Variants in TNFSF8 observed in about 807,000 individuals in gnomAD.
TNFSF8 encodes the protein tumor necrosis factor ligand superfamily member 8.
A neutral mutation model predicts 22.0 loss-of-function variants in TNFSF8; 4 were observed. The ratio of observed to expected loss-of-function variants is 0.18; its 90% CI spans 0.09 to 0.42. The LOEUF (loss-of-function observed/expected upper bound fraction) is 0.42, where lower values mean the gene tolerates loss of function less well. TNFSF8 is among the 10% of genes least tolerant of loss of function. TNFSF8 has a pLI of 1.00. For synonymous variants in TNFSF8, 106 were observed against 112.5 expected (o/e 0.94, Z 0.37); for missense variants, 233 against 281.8 (o/e 0.83, Z 1.24).
rs1307435813 is a variant in TNFSF8, at chr9:114,904,343, G to A, written c.311-18C>T. Reference sequence around the variant, plus strand: ...CTTTGCCACTAGAAAGAGAAGTATAGAAAACAGAATTATTGAGAAGATTGT... The same window carrying A: ...CTTTGCCACTAGAAAGAGAAGTATAAAAAACAGAATTATTGAGAAGATTGT... On this transcript the variant is annotated intron_variant, in intron 3 of 3. Coordinates refer to ENST00000223795, the MANE Select transcript of TNFSF8 (RefSeq NM_001244.4). 1 of 1,575,972 alleles carries A rather than the reference G, an allele frequency of 6.3e-7. No individual in the cohort carries two copies. Among genetic ancestry groups the A allele is most frequent in the Non-Finnish European group, 8.6e-7 (1 of 1,162,916 alleles).
chr9:114,925,918 G>A (rs1241117028), intron 1 of TNFSF8, among the ~76,000 whole-genome samples: 1 of 152,084 alleles, frequency 6.6e-6, no homozygotes, highest in Non-Finnish European at 1.5e-5. Context: ...CCTACCTGTG[G>A]TGTTAACCTA....
intron 1 of TNFSF8, among the ~76,000 whole-genome samples, chr9:114,923,223 C>T (rs531957010): frequency 6.6e-6 from 1 of 152,268 alleles, no homozygotes; most frequent in East Asian, 1.9e-4. Flanking sequence ...TGTGCCACTG[C>T]TTTCTCTTTT....
chr9:114,913,349 A>G (rs1367184251), intron 2 of TNFSF8, among the ~76,000 whole-genome samples: 1 of 152,222 alleles, frequency 6.6e-6, no homozygotes, highest in African/African-American at 2.4e-5. Flanking sequence ...CCCAAGGCAC[A>G]TGACCCTTCA....
In TNFSF8 at chr9:114,918,132, T is replaced by A; in HGVS notation, c.202A>T (p.Ile68Phe). ...GGGACGTTGTCAGGTGAGTTGGGAATGGAGTCCTGGAAGAAAAGAAAGAAA... is the reference window on the plus strand; with the variant it reads ...GGGACGTTGTCAGGTGAGTTGGGAAAGGAGTCCTGGAAGAAAAGAAAGAAA... ...MVLVVQRTDS[I>F]PNSPDNVPLK... is the part of the protein sequence containing the mutation. Residue 68 changes from isoleucine to phenylalanine, a missense_variant, in exon 2 of 4, where the codon ATT becomes TTT. Physicochemically the swap from Ile to Phe is conservative, Grantham distance 21. Coordinates refer to ENST00000223795, the MANE Select transcript of TNFSF8 (RefSeq NM_001244.4). The A allele has an allele frequency of 6.2e-7, 1 of 1,606,616 alleles. No homozygotes were observed. Among genetic ancestry groups the A allele is most frequent in the Non-Finnish European group, 8.5e-7 (1 of 1,176,530 alleles).
intron 2 of TNFSF8, among the ~76,000 whole-genome samples, chr9:114,906,716 G>T (rs1186720583): frequency 6.6e-6 from 1 of 152,126 alleles, no homozygotes; most frequent in East Asian, 1.9e-4. Flanking sequence ...TGGTATTTAA[G>T]AAATAAAAAT....
At chr9:114,924,313 T>A (rs914118104) in intron 1 of TNFSF8, among the ~76,000 whole-genome samples, 2 of 152,214 alleles carry the variant, frequency 1.3e-5, no homozygotes, top group Non-Finnish European at 2.9e-5. Flanking sequence ...TAACACAGTA[T>A]GTGACCCTAG....
chr9:114,923,478 TTTTCTTTCTTTCTTTCTTTCTTTC>T (rs71375260), intron 1 of TNFSF8, among the ~76,000 whole-genome samples: 1 of 105,682 alleles, frequency 9.5e-6, no homozygotes, highest in South Asian at 3.1e-4. Flanking sequence ...TTTTCTTTCT[TTTTCTTTCTTTCTTTCTTTCTTTC>T]TTTCTTTCTT....
chr9:114,896,721 G>A (rs1451411073), downstream of TNFSF8, among the ~76,000 whole-genome samples: 1 of 152,142 alleles, frequency 6.6e-6, no homozygotes, highest in Non-Finnish European at 1.5e-5. Context: ...GAGATAGGAA[G>A]GGTGATGGAT....
At chr9:114,922,407 C>T (rs1272247858) in intron 1 of TNFSF8, among the ~76,000 whole-genome samples, 1 of 152,146 alleles carries the variant, frequency 6.6e-6, no homozygotes, top group Non-Finnish European at 1.5e-5. Context: ...AAGGATACCT[C>T]TTATTTTCAA....
Position 114,930,474 on chromosome 9 carries a change from A to G in TNFSF8, c.-171T>C. On this transcript the variant is annotated 5_prime_UTR_variant, in exon 1 of 4. Transcript: ENST00000223795. Reference sequence around the variant, plus strand: ...AACTCTTCTCTGGGGGCGTGAGGCGAGAGGCGGCAGCAAGGGTGGGGGAGA... The same window carrying G: ...AACTCTTCTCTGGGGGCGTGAGGCGGGAGGCGGCAGCAAGGGTGGGGGAGA... 1 of 478,612 alleles carries G rather than the reference A, an allele frequency of 2.1e-6. No homozygotes were observed. The highest frequency in any genetic ancestry group is 3.5e-6 in the Non-Finnish European group (1 of 284,918). 29.6% of individuals were successfully genotyped at this position (478,612 alleles called of 1,614,324 possible). A position where few individuals can be genotyped will look rare whatever the true frequency, so the allele number is the denominator to read the frequency against.
intron 2 of TNFSF8, among the ~76,000 whole-genome samples, chr9:114,910,811 C>A (rs1391288254): frequency 6.6e-6 from 1 of 152,198 alleles, no homozygotes; most frequent in Non-Finnish European, 1.5e-5. Context: ...TGCCAGGTAC[C>A]TTCCAGATGT....
intron 2 of TNFSF8, among the ~76,000 whole-genome samples, chr9:114,916,787 G>A (rs769687476): frequency 6.6e-5 from 10 of 152,190 alleles, no homozygotes; most frequent in Non-Finnish European, 1.2e-4. Flanking sequence ...TACAACAGCA[G>A]AGCTGACTAA....
At chr9:114,893,922 G>A (rs1315561707) in exon 5 of TNFSF8, 2 of 646,194 alleles carry the variant, frequency 3.1e-6, no homozygotes, top group Non-Finnish European at 5.4e-6. Flanking sequence ...ATCATGGACA[G>A]GTCTAGATGA....
At chr9:114,923,308 A>G (rs548316949) in intron 1 of TNFSF8, among the ~76,000 whole-genome samples, 1 of 152,226 alleles carries the variant, frequency 6.6e-6, no homozygotes, top group Non-Finnish European at 1.5e-5. Context: ...CTACAGAAGA[A>G]TGACAGCTAA....
At chr9:114,925,450 A>C (rs1828045807) in intron 1 of TNFSF8, among the ~76,000 whole-genome samples, 1 of 152,068 alleles carries the variant, frequency 6.6e-6, no homozygotes, top group Non-Finnish European at 1.5e-5. Flanking sequence ...CTCCAGGTTG[A>C]CCACTCCTGG....
chr9:114,895,542 T>C (rs1827647605), intron 4 of TNFSF8, among the ~76,000 whole-genome samples: 1 of 152,200 alleles, frequency 6.6e-6, no homozygotes, highest in African/African-American at 2.4e-5. Context: ...TTTCTCAAAC[T>C]TGCATTGATT....
At position 114,902,209 on chromosome 9, in the gene TNFSF8, G is replaced by A. The variant is rs371222825; in HGVS notation, c.*1722C>T. On this transcript the variant is annotated 3_prime_UTR_variant, in exon 4 of 4. Coordinates refer to ENST00000223795, the MANE Select transcript of TNFSF8 (RefSeq NM_001244.4). The stretch of plus-strand genomic sequence containing the variant: ...CATGGCTACCCCAATCAGGAGAGAG[G>A]TTGCTGTTTCTCAGAAGTCCTCCTC... 67 of 985,392 alleles carry A rather than the reference G, an allele frequency of 6.8e-5. No individual in the cohort carries two copies. The African/African-American group carries it at 1.1e-3, about 16-fold the overall frequency. The allele number at this position is 985,392 out of a possible 1,614,324, so 61.0% of individuals were successfully genotyped here. A position where few individuals can be genotyped will look rare whatever the true frequency, so the allele number is the denominator to read the frequency against.
At chr9:114,916,589 C>T (rs564241577) in intron 2 of TNFSF8, among the ~76,000 whole-genome samples, 2 of 152,266 alleles carry the variant, frequency 1.3e-5, no homozygotes, top group South Asian at 4.1e-4. Context: ...CACTCAGAGC[C>T]TTTTGGTTTT....
Position 114,902,091 on chromosome 9 carries a change from C to T in TNFSF8, c.*1840G>A, listed in dbSNP as rs1004834877. 2 of 985,224 alleles carry T rather than the reference C, an allele frequency of 2.0e-6. No homozygotes were observed. Among genetic ancestry groups the T allele is most frequent in the East Asian group, 1.1e-4 (1 of 8,820 alleles). The allele number at this position is 985,224 out of a possible 1,614,324, so 61.0% of individuals were successfully genotyped here. On this transcript the variant is annotated 3_prime_UTR_variant, in exon 4 of 4. Transcript: ENST00000223795. ...AAGCATAACATCAGGGCCTACATTC[C>T]ATCTCAAACGGCTTGTCAAGGTCCT...
Sources: allele counts gnomAD v4.1 joint callset (sites outside exome capture counted in the v4.1 genomes callset), GRCh38; gene constraint gnomAD v4.1.1; transcripts MANE v1.5; gene names NCBI Gene and HGNC (gene_info 2026-07-23, HGNC 2026-07-21).